Variants in ZHX3 observed in about 807,000 individuals in gnomAD.
ZHX3 encodes zinc fingers and homeoboxes 3.
In ZHX3, 20 loss-of-function variants were observed where a neutral mutation model predicts 64.5. That is an observed-to-expected ratio of 0.31 (90% CI 0.22 to 0.45). The LOEUF is 0.45. ZHX3 is among the 20% of genes least tolerant of loss of function. ZHX3 has a pLI of 1.00. For synonymous variants in ZHX3, 423 were observed against 461.6 expected (o/e 0.92, Z 1.07); for missense variants, 1,041 against 1,195.8 (o/e 0.87, Z 1.91).
At chr20:41,283,191 G>T (rs2043777207) in intron 1 of ZHX3, among the ~76,000 whole-genome samples, 1 of 152,118 alleles carries the variant, frequency 6.6e-6, no homozygotes, top group Non-Finnish European at 1.5e-5. Flanking sequence ...TTACAGGTGT[G>T]AGCCACCATG....
At chr20:41,257,737 T>G (rs373323423) in intron 2 of ZHX3, among the ~76,000 whole-genome samples, 9,295 of 141,202 alleles carry the variant, frequency 0.066, 692 homozygotes, top group African/African-American at 0.15. Flanking sequence ...TCAGCCTCCT[T>G]AGTAGCTGGG....
At chr20:41,275,549 T>C (rs2043338678) in intron 1 of ZHX3, among the ~76,000 whole-genome samples, 1 of 152,176 alleles carries the variant, frequency 6.6e-6, no homozygotes, top group South Asian at 2.1e-4. Context: ...TGGGTTAGGA[T>C]AGACATAGGG....
intron 3 of ZHX3, among the ~76,000 whole-genome samples, chr20:41,189,917 G>A (rs2036859374): frequency 6.6e-6 from 1 of 151,818 alleles, no homozygotes; most frequent in African/African-American, 2.4e-5. Context: ...TCAGAAGAAG[G>A]ATTTTCAGCT....
At position 41,203,599 on chromosome 20, in the gene ZHX3, T is replaced by C; in HGVS notation, c.1318A>G (p.Ser440Gly). 1.2e-6 allele frequency: 2 copies of C among 1,614,218 alleles called. No homozygotes were observed. Among genetic ancestry groups the C allele is most frequent in the Non-Finnish European group, 1.7e-6 (2 of 1,180,024 alleles). The change falls in exon 3 of 4, where the codon AGT (serine) becomes GGT (glycine). Residue 440 changes from serine to glycine, a missense_variant. This residue lies in a region of ZHX3 where 649 missense variants were observed against 739.8 expected (regional missense o/e 0.88). Transcript: ENST00000683867. This position sits in a 1 kb window ranked among gnomAD's most constrained non-coding sequence, Gnocchi z 7.1. Reference protein sequence around the residue: ...PLMANGLQATSSPLPLTVTSV... With the variant: ...PLMANGLQATGSPLPLTVTSV... ...GTCACCGTGAGGGGGAGAGGGGAAC[T>C]TGTTGCTTGCAACCCATTGGCCATC...
intron 2 of ZHX3, among the ~76,000 whole-genome samples, chr20:41,240,185 G>A (rs925638508): frequency 1.3e-5 from 2 of 152,140 alleles, no homozygotes; most frequent in Non-Finnish European, 2.9e-5. Context: ...TTTTAGTAGA[G>A]ATGGGGGGTT....
chr20:41,190,060 T>C (rs974685548), intron 3 of ZHX3, among the ~76,000 whole-genome samples: 11 of 152,222 alleles, frequency 7.2e-5, no homozygotes, highest in Non-Finnish European at 1.5e-4. Flanking sequence ...TTTCTGTTTA[T>C]TGAGATGACC....
chr20:41,296,424 G>A (rs572495103), intron 1 of ZHX3, among the ~76,000 whole-genome samples: 1 of 152,084 alleles, frequency 6.6e-6, no homozygotes, highest in East Asian at 1.9e-4. Flanking sequence ...TTGACTTAGG[G>A]CCAAGAGATC....
intron 1 of ZHX3, among the ~76,000 whole-genome samples, chr20:41,276,731 A>C (rs2043401311): frequency 6.6e-6 from 1 of 152,212 alleles, no homozygotes; most frequent in African/African-American, 2.4e-5. Context: ...CCTTAACTGC[A>C]GGGCAAGTGC....
intron 2 of ZHX3, among the ~76,000 whole-genome samples, chr20:41,234,140 A>C (rs1308996878): frequency 6.6e-6 from 1 of 152,172 alleles, no homozygotes; most frequent in Non-Finnish European, 1.5e-5. Flanking sequence ...AACATCTAAC[A>C]GCCTCACTCG....
intron 2 of ZHX3, among the ~76,000 whole-genome samples, chr20:41,234,236 A>G (rs2040815841): frequency 6.6e-6 from 1 of 152,220 alleles, no homozygotes; most frequent in South Asian, 2.1e-4. Context: ...GGCTGAGGCA[A>G]GAGTTCTACC....
chr20:41,213,820 C>G (rs1005409947), intron 2 of ZHX3: 6 of 152,280 alleles, frequency 3.9e-5, no homozygotes, highest in African/African-American at 1.4e-4. Context: ...TGGCCAGGCA[C>G]AGCAGCTCAC....
chr20:41,291,632 T>C (rs923010830), intron 1 of ZHX3, among the ~76,000 whole-genome samples: 2 of 151,972 alleles, frequency 1.3e-5, no homozygotes, highest in Admixed American at 1.3e-4. Context: ...TGTATACGTA[T>C]ACACACATAC....
chr20:41,218,286 A>G (rs1216844961), intron 2 of ZHX3, among the ~76,000 whole-genome samples: 2 of 152,094 alleles, frequency 1.3e-5, no homozygotes, highest in Non-Finnish European at 2.9e-5. Context: ...TCTACAAAAA[A>G]TTTAAAAAAT....
intron 2 of ZHX3, among the ~76,000 whole-genome samples, chr20:41,243,068 C>T (rs1210906517): frequency 6.6e-6 from 1 of 152,170 alleles, no homozygotes; most frequent in Non-Finnish European, 1.5e-5. Flanking sequence ...GTACCCAGGT[C>T]GGGGCAGACC....
rs1215567696 is a variant in ZHX3 at position 41,317,683 on chromosome 20, G to A, written c.-419C>T. 6.6e-6 allele frequency: 1 copy of A among 151,552 alleles called. No homozygotes were observed. Among genetic ancestry groups the A allele is most frequent in the African/African-American group, 2.4e-5 (1 of 41,354 alleles). The allele number at this position is 151,552 out of a possible 1,614,324, so 9.4% of individuals were successfully genotyped here. A position where few individuals can be genotyped will look rare whatever the true frequency, so the allele number is the denominator to read the frequency against. ...GGACGCAGCTGCACCAACCGACTCC[G>A]GGCCGCTCGGCTGGGCTCGGCCGCT... On this transcript the variant is annotated 5_prime_UTR_variant, in exon 1 of 4. Coordinates refer to ENST00000683867, the MANE Select transcript of ZHX3 (RefSeq NM_001384317.1).
At chr20:41,292,309 T>C (rs1234188773) in intron 1 of ZHX3, among the ~76,000 whole-genome samples, 1 of 152,222 alleles carries the variant, frequency 6.6e-6, no homozygotes, top group Non-Finnish European at 1.5e-5. Flanking sequence ...ATCAACAGTA[T>C]ACAGAACTGT....
At chr20:41,197,545 C>T (rs1229082953) in intron 3 of ZHX3, among the ~76,000 whole-genome samples, 2 of 151,428 alleles carry the variant, frequency 1.3e-5, no homozygotes, top group African/African-American at 2.4e-5. Context: ...TACTTTCAAC[C>T]TCCTTGTGTC....
chr20:41,184,662 G>T lies in ZHX3; in HGVS notation c.*529C>A. ...TTGAGGAACACAAAGGGGGCACAAAGGGGTTCCAGACGTAGCTTTGTGCCT... is the reference window on the plus strand; with the variant it reads ...TTGAGGAACACAAAGGGGGCACAAATGGGTTCCAGACGTAGCTTTGTGCCT... On this transcript the variant is annotated 3_prime_UTR_variant, in exon 4 of 4. Transcript: ENST00000683867. 2 of 508,198 alleles carry T rather than the reference G, an allele frequency of 3.9e-6. No individual in the cohort carries two copies. Among genetic ancestry groups the T allele is most frequent in the Non-Finnish European group, 7.1e-6 (2 of 283,078 alleles). The allele number at this position is 508,198 out of a possible 1,614,324, so 31.5% of individuals were successfully genotyped here.
At chr20:41,236,883 T>A in intron 2 of ZHX3, among the ~76,000 whole-genome samples, 1 of 152,134 alleles carries the variant, frequency 6.6e-6, no homozygotes. Flanking sequence ...AAAGGGCTAA[T>A]ATCCAGAATC....
Sources: allele counts gnomAD v4.1 joint callset (sites outside exome capture counted in the v4.1 genomes callset), GRCh38; gene constraint gnomAD v4.1.1; regional missense constraint gnomAD v4.1.1; non-coding constraint Gnocchi (gnomAD v3.1); transcripts MANE v1.5; gene names NCBI Gene and HGNC (gene_info 2026-07-23, HGNC 2026-07-21).